Variants in PHGDH observed in about 807,000 individuals in gnomAD.
The protein encoded by PHGDH is phosphoglycerate dehydrogenase.
In PHGDH, 50 loss-of-function variants were observed where a neutral mutation model predicts 52.6. That is an observed-to-expected ratio of 0.95 (90% CI 0.76 to 1.20). The LOEUF is 1.20. PHGDH is among the 50% of genes most tolerant of loss of function. PHGDH has a pLI of 0.00. For missense variants in PHGDH, 630 were observed against 684.6 expected (o/e 0.92, Z 0.89); for synonymous variants, 271 against 280.5 (o/e 0.97, Z 0.34).
At chr1:119,715,412 G>A (rs2101142991) in intron 1 of PHGDH, among the ~76,000 whole-genome samples, 1 of 152,270 alleles carries the variant, frequency 6.6e-6, no homozygotes, top group East Asian at 1.9e-4. Flanking sequence ...CTTTACACAA[G>A]GATTTAGTTT....
At chr1:119,735,471 G>T in intron 7 of PHGDH, 28 bp downstream of exon 7, 5 of 1,605,124 alleles carry the variant, frequency 3.1e-6, no homozygotes, top group Non-Finnish European at 3.4e-6. Flanking sequence ...TCAGCGTCAG[G>T]AGGACGGGAG....
At chr1:119,741,516 T>C (rs912757774) in intron 9 of PHGDH, among the ~76,000 whole-genome samples, 5 of 151,542 alleles carry the variant, frequency 3.3e-5, no homozygotes, top group Non-Finnish European at 7.4e-5. Flanking sequence ...GGGAGCGGAG[T>C]GGAGTTGAGC....
chr1:119,736,697 G>A (rs1344917781), intron 7 of PHGDH, among the ~76,000 whole-genome samples: 1 of 152,218 alleles, frequency 6.6e-6, no homozygotes, highest in Non-Finnish European at 1.5e-5. Flanking sequence ...ATGCAGGGGG[G>A]TGAGTTTCGG....
At chr1:119,713,984 A>T (rs182322816) in intron 1 of PHGDH, among the ~76,000 whole-genome samples, 49 of 152,202 alleles carry the variant, frequency 3.2e-4, no homozygotes, top group Admixed American at 2.9e-3. Flanking sequence ...AAACTTGGAG[A>T]ACATTTTAAA....
intron 5 of PHGDH, chr1:119,730,108 A>C (rs1651628439): frequency 1.3e-5 from 2 of 152,110 alleles, no homozygotes; most frequent in South Asian, 4.1e-4. Context: ...GTCTGGATGA[A>C]TTTTGTCTTA....
At position 119,723,232 on chromosome 1, in the gene PHGDH, C is replaced by A. The variant is rs1475909289; in HGVS notation, c.291-144C>A. On this transcript the variant is annotated intron_variant, in intron 2 of 11. Coordinates refer to ENST00000641023, the MANE Select transcript of PHGDH (RefSeq NM_006623.4). ...CAGCCCTTGGCTTAGGGCGAGAGTA[C>A]ATCAGAGAACTCTGGACAGTGGCGT... The A allele has an allele frequency of 1.3e-5, 10 of 742,022 alleles. No individual in the cohort carries two copies. In the East Asian group the frequency reaches 2.0e-4, roughly 15 times the overall value. The allele number at this position is 742,022 out of a possible 1,614,324, so 46.0% of individuals were successfully genotyped here.
intron 1 of PHGDH, among the ~76,000 whole-genome samples, chr1:119,719,282 G>A (rs1651050285): frequency 6.6e-6 from 1 of 152,154 alleles, no homozygotes; most frequent in South Asian, 2.1e-4. Flanking sequence ...TGCCAGATAC[G>A]TACATAGCGG....
intron 3 of PHGDH, among the ~76,000 whole-genome samples, chr1:119,726,275 C>T (rs975991059): frequency 4.0e-5 from 6 of 150,100 alleles, no homozygotes; most frequent in Non-Finnish European, 7.4e-5. Flanking sequence ...AATGTTGGGA[C>T]CACGCATTCA....
rs948818685 is a variant in PHGDH at position 119,723,427 on chromosome 1, C to G, written c.342C>G (p.Ile114Met). ...CCGCAGAACTCACTTGTGGAATGAT[C>G]ATGTGCCTGGCCAGGTAAGTCCCTG... ...LSAAELTCGM[I>M]MCLARQIPQA... The change falls in exon 3 of 12, where the codon ATC becomes ATG. Residue 114 changes from isoleucine to methionine, a missense_variant. Coordinates refer to ENST00000641023, the MANE Select transcript of PHGDH (RefSeq NM_006623.4). The G allele has an allele frequency of 4.3e-6, 7 of 1,613,380 alleles. No individual in the cohort carries two copies. The highest frequency in any genetic ancestry group is 5.9e-6 in the Non-Finnish European group (7 of 1,179,464).
chr1:119,723,582 C>T (rs1272500645), intron 3 of PHGDH, 141 bp downstream of exon 3: 5 of 724,518 alleles, frequency 6.9e-6, no homozygotes, highest in Non-Finnish European at 1.3e-5. Context: ...ATGCAGACTG[C>T]AAAGAACCTT....
intron 5 of PHGDH, among the ~76,000 whole-genome samples, chr1:119,728,603 T>C (rs925512874): frequency 6.6e-6 from 1 of 152,138 alleles, no homozygotes; most frequent in African/African-American, 2.4e-5. Flanking sequence ...AACCCTCTGG[T>C]TGCCATCAGT....
intron 1 of PHGDH, chr1:119,713,167 C>T (rs78621095): frequency 0.039 from 5,931 of 152,590 alleles, 377 homozygotes; most frequent in African/African-American, 0.13. Context: ...GTCTCTACCT[C>T]ACCTGATCCA....
rs587656041 is a variant in PHGDH at position 119,722,078 on chromosome 1, A to C, written c.290+757A>C. Among the ~76,000 whole-genome samples the C allele has an allele frequency of 2.0e-5, 3 of 152,314 alleles. No homozygotes were observed. The East Asian group carries it at 5.8e-4, about 29-fold the overall frequency. The stretch of plus-strand genomic sequence containing the variant: ...TCCCCTGCACTGCACTTCCCCCTGT[A>C]GGGTAGAGGTTAATTGGTCACCTGA... On this transcript the variant is annotated intron_variant, in intron 2 of 11. Coordinates refer to ENST00000641023, the MANE Select transcript of PHGDH (RefSeq NM_006623.4).
chr1:119,732,386 C>T (rs1651735133), intron 5 of PHGDH, among the ~76,000 whole-genome samples: 1 of 152,188 alleles, frequency 6.6e-6, no homozygotes, highest in South Asian at 2.1e-4. Flanking sequence ...TGTTTCTCCC[C>T]AAGGCTTCTC....
At chr1:119,740,792 C>T (rs953515062) in intron 9 of PHGDH, among the ~76,000 whole-genome samples, 4 of 152,080 alleles carry the variant, frequency 2.6e-5, no homozygotes, top group African/African-American at 4.8e-5. Context: ...GAAACCTCTA[C>T]GAGAGAGAGA....
rs587701852 is a variant in PHGDH at position 119,721,466 on chromosome 1, G to T, written c.290+145G>T. The T allele has an allele frequency of 8.0e-5, 58 of 726,928 alleles. No homozygotes were observed. The African/African-American group carries it at 9.9e-4, about 12-fold the overall frequency. The allele number at this position is 726,928 out of a possible 1,614,324, so 45.0% of individuals were successfully genotyped here. On this transcript the variant is annotated intron_variant, in intron 2 of 11. Transcript: ENST00000641023. ...GGATGCCTGGTCTAGGGCCTGCATG[G>T]TCAACACACACAGCATAGTGGTTTC...
rs1254451152 is a variant in PHGDH, at chr1:119,721,269, GTGGACAATGTGGATC to G, written c.243_257del (p.Asp81_Leu85del). 2 of 1,614,046 alleles carry G rather than the reference GTGGACAATGTGGATC, an allele frequency of 1.2e-6. No individual in the cohort carries two copies. The highest frequency in any genetic ancestry group is 1.7e-6 in the Non-Finnish European group (2 of 1,180,038). The stretch of plus-strand genomic sequence containing the variant: ...GGTGGTGGGCAGGGCTGGCACAGGT[GTGGACAATGTGGATC>G]TGGAGGCCGCAACAAGGAAGGGCAT... On this transcript the variant is annotated inframe_deletion, in exon 2 of 12. Coordinates refer to ENST00000641023, the MANE Select transcript of PHGDH (RefSeq NM_006623.4).
intron 10 of PHGDH, chr1:119,742,565 C>T (rs1366012977): frequency 3.3e-6 from 2 of 601,722 alleles, no homozygotes; most frequent in Admixed American, 5.7e-5. Flanking sequence ...TCCTCCAAGC[C>T]TTCGCCTGTG....
chr1:119,738,687 G>A (rs1652053471), intron 8 of PHGDH, among the ~76,000 whole-genome samples: 1 of 151,972 alleles, frequency 6.6e-6, no homozygotes, highest in Non-Finnish European at 1.5e-5. Flanking sequence ...TCGCAGCCTT[G>A]CAATTTATTG....
Sources: gnomAD v4.1 joint callset for allele counts (sites outside exome capture counted in the v4.1 genomes callset) on GRCh38, gnomAD v4.1.1 for gene constraint, MANE v1.5 for transcripts, NCBI Gene and HGNC (gene_info 2026-07-23, HGNC 2026-07-21) for gene names.